The following GEMIN5 variants were observed in gnomAD, a reference collection of about 807,000 sequenced individuals.
GEMIN5 encodes gem nuclear organelle associated protein 5, also known as gem-associated protein 5.
GEMIN5 carries 124 observed loss-of-function variants against 176.9 expected under a neutral mutation model. That is an observed-to-expected ratio of 0.70 (90% CI 0.61 to 0.81). The LOEUF is 0.81. Among genes scored for constraint, GEMIN5 ranks in the 40% least tolerant of loss-of-function variants. The pLI is 0.00. For synonymous variants in GEMIN5, 673 were observed against 665.2 expected, an observed-to-expected ratio of 1.01 and a Z score of -0.18; for missense variants, 1,843 against 1,814.6, an observed-to-expected ratio of 1.02 and a Z score of -0.28.
intron 23 of GEMIN5, among the ~76,000 whole-genome samples, chr5:154,898,089 C>T (rs953857269): frequency 4.6e-5 from 7 of 151,942 alleles, no homozygotes; most frequent in South Asian, 2.1e-4. Flanking sequence ...TTAGTTGAAA[C>T]GGGGTTTCAC....
In GEMIN5 at chr5:154,896,314, C is replaced by G; in HGVS notation, c.3375G>C (p.Glu1125Asp). ...TTTCCTCCAGATGCCTGGACAGTAGCTCCAGAAGGCAAAACACCAATCTCT... is the reference window on the plus strand; with the variant it reads ...TTTCCTCCAGATGCCTGGACAGTAGGTCCAGAAGGCAAAACACCAATCTCT... ...QGQRLVFCLL[E>D]LLSRHLEEKQ... Residue 1125 changes from glutamate to aspartate, a missense_variant, in exon 24 of 28, where the codon GAG becomes GAC. Transcript: ENST00000285873. 6.3e-7 allele frequency: 1 copy of G among 1,593,902 alleles called. No individual in the cohort carries two copies. Among genetic ancestry groups the G allele is most frequent in the Non-Finnish European group, 8.5e-7 (1 of 1,171,558 alleles).
At chr5:154,902,404 C>G (rs931482573) in intron 20 of GEMIN5, 135 bp downstream of exon 20, 2 of 765,078 alleles carry the variant, frequency 2.6e-6, no homozygotes, top group African/African-American at 3.5e-5. Flanking sequence ...ATTAGTTTGT[C>G]TATTGCTGTC....
At position 154,896,238 on chromosome 5, in the gene GEMIN5, C is replaced by T; in HGVS notation, c.3451G>A (p.Gly1151Ser). Reference protein sequence around the residue: ...SSSSYHTWNTGTEGPFVERVT... With the variant: ...SSSSYHTWNTSTEGPFVERVT... Reference sequence around the variant, plus strand: ...CTCTCCACGAAAGGCCCTTCGGTGCCCGTGTTCCAAGTGTGGTAAGAGGAG... The same window carrying T: ...CTCTCCACGAAAGGCCCTTCGGTGCTCGTGTTCCAAGTGTGGTAAGAGGAG... Residue 1151 changes from glycine to serine, a missense_variant, in exon 24 of 28, where the codon GGC becomes AGC. Physicochemically the swap from Gly to Ser is moderately conservative, Grantham distance 56. Coordinates refer to ENST00000285873, the MANE Select transcript of GEMIN5 (RefSeq NM_015465.5). The T allele has an allele frequency of 1.2e-6, 2 of 1,613,716 alleles. No homozygotes were observed. The highest frequency in any genetic ancestry group is 1.7e-6 in the Non-Finnish European group (2 of 1,179,844).
intron 9 of GEMIN5, 79 bp downstream of exon 9, chr5:154,924,390 G>A (rs987991359): frequency 1.2e-5 from 9 of 771,594 alleles, no homozygotes; most frequent in African/African-American, 3.5e-5. Flanking sequence ...AAAGGAAAGT[G>A]AGGGATTATT....
At chr5:154,918,358 T>C (rs929243807) in intron 11 of GEMIN5, among the ~76,000 whole-genome samples, 2 of 152,224 alleles carry the variant, frequency 1.3e-5, no homozygotes, top group African/African-American at 4.8e-5. Context: ...CTCCTTGTTT[T>C]CTATCCCTTC....
intron 9 of GEMIN5, among the ~76,000 whole-genome samples, chr5:154,923,854 T>C (rs1164845536): frequency 6.6e-6 from 1 of 152,206 alleles, no homozygotes; most frequent in Admixed American, 6.5e-5. Flanking sequence ...TAGCCACATG[T>C]GGCTACCAGA....
At chr5:154,894,129 G>C (rs1763296820) in intron 24 of GEMIN5, among the ~76,000 whole-genome samples, 1 of 151,978 alleles carries the variant, frequency 6.6e-6, no homozygotes, top group Admixed American at 6.6e-5. Flanking sequence ...ATTTTTACTA[G>C]AGACAGGTTT....
intron 10 of GEMIN5, among the ~76,000 whole-genome samples, chr5:154,920,917 A>G (rs1561723670): frequency 6.6e-6 from 1 of 152,208 alleles, no homozygotes; most frequent in Non-Finnish European, 1.5e-5. Flanking sequence ...CAAAGGCAAG[A>G]GATCATTTCA....
intron 8 of GEMIN5, 124 bp from the exon 9 acceptor site, chr5:154,924,678 A>T (rs1176446611): frequency 3.0e-6 from 2 of 671,370 alleles, no homozygotes; most frequent in Non-Finnish European, 5.2e-6. Context: ...TCATTATTTA[A>T]AGGAGAAAAA....
rs752843263 is a variant in GEMIN5 at position 154,907,639 on chromosome 5, C to T, written c.2347G>A (p.Glu783Lys). Reference protein sequence around the residue: ...VENGVSDQEGEEQAREPELPC... With the variant: ...VENGVSDQEGKEQAREPELPC... ...AATTCCGGCTCCCGTGCTTGCTCCTCCCCTTCTTGGTCTGACACACCATTC... is the reference window on the plus strand; with the variant it reads ...AATTCCGGCTCCCGTGCTTGCTCCTTCCCTTCTTGGTCTGACACACCATTC... The change falls in exon 16 of 28, where the codon GAG becomes AAG. Residue 783 changes from glutamate to lysine, a missense_variant. Transcript: ENST00000285873. The T allele has an allele frequency of 1.2e-6, 2 of 1,614,032 alleles. No individual in the cohort carries two copies. Among genetic ancestry groups the T allele is most frequent in the South Asian group, 1.1e-5 (1 of 91,076 alleles).
rs777756524 is a variant in GEMIN5 at position 154,889,407 on chromosome 5, T to C, written c.4273A>G (p.Lys1425Glu). The change falls in exon 27 of 28, where the codon AAA becomes GAA. Residue 1425 changes from lysine (K) to glutamate (E), a missense_variant. Physicochemically the swap from Lys to Glu is moderately conservative, Grantham distance 56. Transcript: ENST00000285873. ...TCAGGCAGAGAAAGTGGCTCATTTT[T>C]TTCTTCTTTACTAGTGAAAAAAATA... ...CSSQSQCKEE[K>E]NEPLSLPELT... The C allele has an allele frequency of 3.1e-6, 5 of 1,604,976 alleles. No individual in the cohort carries two copies. In the Admixed American group the frequency reaches 5.0e-5, roughly 16 times the overall value.
chr5:154,910,903 TAGTC>T (rs1763686793), intron 15 of GEMIN5, among the ~76,000 whole-genome samples: 1 of 152,122 alleles, frequency 6.6e-6, no homozygotes, highest in Admixed American at 6.5e-5. Context: ...TTTCACCTGT[TAGTC>T]AGGATGGTCT....
At chr5:154,917,271 G>A in intron 12 of GEMIN5, 92 bp from the exon 13 acceptor site, 2 of 606,310 alleles carry the variant, frequency 3.3e-6, no homozygotes, top group Admixed American at 3.0e-5. Context: ...GTCAGTCAAG[G>A]AAAGATGAGG....
chr5:154,930,916 T>C (rs1212346991), intron 5 of GEMIN5, among the ~76,000 whole-genome samples: 1 of 152,238 alleles, frequency 6.6e-6, no homozygotes, highest in African/African-American at 2.4e-5. Flanking sequence ...AAAGGTTATA[T>C]TCTATGATAT....
chr5:154,917,327 T>TA (rs1016974292), intron 12 of GEMIN5, 148 bp from the exon 13 acceptor site: 19 of 417,834 alleles, frequency 4.5e-5, no homozygotes, highest in Admixed American at 2.6e-4. Flanking sequence ...CATTCTCTCA[T>TA]AAAAAATCAA....
intron 24 of GEMIN5, among the ~76,000 whole-genome samples, chr5:154,894,462 C>T (rs907023937): frequency 2.0e-5 from 3 of 151,998 alleles, no homozygotes; most frequent in African/African-American, 7.3e-5. Flanking sequence ...GGGGCATGTG[C>T]ATGTTTAACT....
At chr5:154,927,335 A>T (rs1441272112) in intron 7 of GEMIN5, 50 bp downstream of exon 7, 2 of 1,283,320 alleles carry the variant, frequency 1.6e-6, no homozygotes, top group South Asian at 2.6e-5. Context: ...CATCCCACCC[A>T]AGTTGTAAAC....
At chr5:154,888,414 T>C in intron 27 of GEMIN5, 37 bp from the exon 28 acceptor site, 1 of 1,591,430 alleles carries the variant, frequency 6.3e-7, no homozygotes, top group Non-Finnish European at 8.6e-7. Flanking sequence ...TAAGGAAGCA[T>C]TTGCAGAAGA....
At chr5:154,910,759 C>T (rs1024604589) in intron 15 of GEMIN5, among the ~76,000 whole-genome samples, 17 of 152,184 alleles carry the variant, frequency 1.1e-4, no homozygotes, top group Admixed American at 3.9e-4. Context: ...AGTACAGTGG[C>T]GCAATCTCGG....
Sources: gnomAD v4.1 joint callset for allele counts (sites outside exome capture counted in the v4.1 genomes callset) on GRCh38, gnomAD v4.1.1 for gene constraint, MANE v1.5 for transcripts, NCBI Gene and HGNC (gene_info 2026-07-23, HGNC 2026-07-21) for gene names.